Variants in TENM3 observed in about 807,000 individuals in gnomAD.
TENM3 encodes teneurin transmembrane protein 3.
In TENM3, 63 loss-of-function variants were observed where a neutral mutation model predicts 255.1. That is an observed-to-expected ratio of 0.25 (90% confidence interval 0.20 to 0.30). TENM3 has a LOEUF of 0.30. Among genes scored for constraint, TENM3 ranks in the 10% least tolerant of loss-of-function variants. The pLI is 1.00. For missense variants in TENM3, 2,929 were observed against 3,461.1 expected (o/e 0.85, Z 3.86); for synonymous variants, 1,306 against 1,322.3 (o/e 0.99, Z 0.27).
the TENM3 span, among the ~76,000 whole-genome samples, chr4:181,467,495 CAG>C: frequency 6.6e-6 from 1 of 151,874 alleles, no homozygotes; most frequent in East Asian, 1.9e-4. Context: ...CATATTATGA[CAG>C]ATATCTAGTT....
chr4:182,757,474 C>T (rs897421462), intron 22 of TENM3, among the ~76,000 whole-genome samples: 1 of 152,098 alleles, frequency 6.6e-6, no homozygotes, highest in Admixed American at 6.5e-5. Flanking sequence ...TGTCCTTACT[C>T]GTTCCCAGGA....
intron 1 of TENM3, among the ~76,000 whole-genome samples, chr4:182,300,534 C>T (rs973406198): frequency 5.9e-5 from 9 of 152,180 alleles, no homozygotes; most frequent in African/African-American, 2.2e-4. Context: ...GAGTGGACAC[C>T]TGGTGACGGC....
chr4:181,458,901 C>A, the TENM3 span, among the ~76,000 whole-genome samples: 26 of 151,990 alleles, frequency 1.7e-4, no homozygotes, highest in East Asian at 5.0e-3. Flanking sequence ...ATTTTCATTT[C>A]CAATGAGTAA....
At chr4:182,115,615 G>A in the TENM3 span, among the ~76,000 whole-genome samples, 1 of 152,164 alleles carries the variant, frequency 6.6e-6, no homozygotes. Flanking sequence ...TAATTTCAGA[G>A]GATATCTAGT....
chr4:182,273,193 G>A (rs1759758748), intron 1 of TENM3, among the ~76,000 whole-genome samples: 1 of 152,200 alleles, frequency 6.6e-6, no homozygotes, highest in African/African-American at 2.4e-5. Context: ...TGGGCACTAT[G>A]CCCTCTCAGT....
At chr4:181,709,332 A>G in the TENM3 span, among the ~76,000 whole-genome samples, 1 of 152,238 alleles carries the variant, frequency 6.6e-6, no homozygotes, top group Non-Finnish European at 1.5e-5. Context: ...TGTTGACTTC[A>G]AGCAATGCAT....
chr4:182,733,317 T>C (rs1760916618), intron 16 of TENM3, among the ~76,000 whole-genome samples: 1 of 152,164 alleles, frequency 6.6e-6, no homozygotes, highest in Admixed American at 6.5e-5. Context: ...TTGGAGACCA[T>C]GGCAAAGATA....
intron 3 of TENM3, among the ~76,000 whole-genome samples, chr4:182,514,468 T>C (rs150524024): frequency 6.6e-6 from 1 of 152,294 alleles, no homozygotes; most frequent in Non-Finnish European, 1.5e-5. Flanking sequence ...TGTAGAAATA[T>C]CTAGTGAGCA....
chr4:182,224,057 C>A (rs1189008400), intron 1 of TENM3, among the ~76,000 whole-genome samples: 1 of 152,122 alleles, frequency 6.6e-6, no homozygotes, highest in African/African-American at 2.4e-5. Context: ...ATTTTATGTA[C>A]CCCACAATAT....
chr4:181,471,466 A>G, the TENM3 span, among the ~76,000 whole-genome samples: 1 of 152,208 alleles, frequency 6.6e-6, no homozygotes, highest in Non-Finnish European at 1.5e-5. Context: ...CTGAATTGGT[A>G]GTTGTATGGG....
chr4:182,159,162 A>G (rs772116309), intron 1 of TENM3, among the ~76,000 whole-genome samples: 1 of 152,196 alleles, frequency 6.6e-6, no homozygotes, highest in Non-Finnish European at 1.5e-5. Flanking sequence ...CACAGCAGAC[A>G]TGGTGGAGAT....
the TENM3 span, among the ~76,000 whole-genome samples, chr4:181,745,269 T>C: frequency 1.3e-5 from 2 of 151,972 alleles, no homozygotes; most frequent in African/African-American, 2.4e-5. Flanking sequence ...TGTTAGGTCA[T>C]TGGTGGTGAG....
the TENM3 span, among the ~76,000 whole-genome samples, chr4:181,927,808 C>T: frequency 2.6e-5 from 4 of 152,150 alleles, no homozygotes; most frequent in South Asian, 4.1e-4. Context: ...CCCTCTGAGA[C>T]GAAGCTTCCA....
chr4:182,771,068 T>G (rs1199766301), intron 22 of TENM3, among the ~76,000 whole-genome samples: 9 of 152,154 alleles, frequency 5.9e-5, no homozygotes, highest in African/African-American at 2.2e-4. Context: ...GGCTAATAGG[T>G]GAGAGTCTGA....
At chr4:182,721,080 C>T (rs1759687991) in intron 13 of TENM3, among the ~76,000 whole-genome samples, 1 of 152,042 alleles carries the variant, frequency 6.6e-6, no homozygotes, top group South Asian at 2.1e-4. Context: ...AAAGTCTCCC[C>T]TCTCTTTTAC....
chr4:182,544,597 C>T (rs1741243336), intron 3 of TENM3, among the ~76,000 whole-genome samples: 3 of 151,986 alleles, frequency 2.0e-5, no homozygotes, highest in South Asian at 2.1e-4. Flanking sequence ...CCACCGCGCC[C>T]GGCCTGCATT....
At chr4:182,475,506 G>T (rs908309755) in intron 3 of TENM3, among the ~76,000 whole-genome samples, 12 of 152,060 alleles carry the variant, frequency 7.9e-5, no homozygotes, top group Non-Finnish European at 1.3e-4. Flanking sequence ...GATGACGGGG[G>T]TGTGTTTTTA....
In TENM3 at chr4:182,799,935, C is replaced by T; in HGVS notation, c.7684C>T (p.Leu2562=). The part of the protein sequence containing the change: ...TTTPESDLGT[L]RLTSGRKALE... ...CACGCCCGAGAGCGACCTGGGCACG[C>T]TGCGGTTGACCAGCGGCCGCAAGGC... Residue 2562 remains leucine, a synonymous_variant, in exon 28 of 28, where the codon CTG becomes TTG. Transcript: ENST00000511685. The surrounding 1 kb of genome is among the most constrained non-coding windows in gnomAD (Gnocchi z 4.2). The T allele has an allele frequency of 3.1e-6, 5 of 1,598,312 alleles. No homozygotes were observed. The highest frequency in any genetic ancestry group is 2.3e-5 in the East Asian group (1 of 44,024).
chr4:182,355,100 G>A (rs1415758886), intron 3 of TENM3, among the ~76,000 whole-genome samples: 1 of 152,162 alleles, frequency 6.6e-6, no homozygotes, highest in Non-Finnish European at 1.5e-5. Flanking sequence ...TCAGCCCAGA[G>A]CCGATTGTTG....
Sources: allele counts gnomAD v4.1 joint callset (sites outside exome capture counted in the v4.1 genomes callset), GRCh38; gene constraint gnomAD v4.1.1; non-coding constraint Gnocchi (gnomAD v3.1); transcripts MANE v1.5; gene names NCBI Gene and HGNC (gene_info 2026-07-23, HGNC 2026-07-21).